The following SLC30A7 variants were observed in gnomAD, a reference collection of about 807,000 sequenced individuals.
The protein encoded by SLC30A7 is solute carrier family 30 member 7.
A neutral mutation model predicts 46.0 loss-of-function variants in SLC30A7; 35 were observed. The ratio of observed to expected loss-of-function variants is 0.76; its 90% CI spans 0.58 to 1.01. The LOEUF (loss-of-function observed/expected upper bound fraction) is 1.01. Ranked by LOEUF, SLC30A7 falls within the 50% of genes least tolerant of loss-of-function variation. The pLI, the probability that SLC30A7 is intolerant of heterozygous loss-of-function variation, is 0.00. For missense variants in SLC30A7, 464 were observed against 451.1 expected (o/e 1.03, Z -0.26); for synonymous variants, 147 against 157.8 (o/e 0.93, Z 0.51).
chr1:100,978,211 T>C lies in SLC30A7; in HGVS notation c.*3354T>C, dbSNP rs1266395441. ...GTTCCTTGTGCTGTCATTTCCCTTA[T>C]ATCTGGAATTTGTCAGCATTCCTGA... On this transcript the variant is annotated 3_prime_UTR_variant, in exon 11 of 11. Transcript: ENST00000357650. 1 of 152,216 alleles carries C rather than the reference T, an allele frequency of 6.6e-6. No individual in the cohort carries two copies. Among genetic ancestry groups the C allele is most frequent in the East Asian group, 1.9e-4 (1 of 5,196 alleles). The allele number at this position is 152,216 out of a possible 1,614,324, so 9.4% of individuals were successfully genotyped here.
chr1:100,951,487 G>A (rs1180812350), intron 8 of SLC30A7, among the ~76,000 whole-genome samples: 2 of 152,118 alleles, frequency 1.3e-5, no homozygotes, highest in African/African-American at 2.4e-5. Context: ...TCCAAGTCTC[G>A]TAGTTGAAGA....
At chr1:100,932,142 C>T (rs567418494) in intron 8 of SLC30A7, among the ~76,000 whole-genome samples, 19 of 152,246 alleles carry the variant, frequency 1.2e-4, no homozygotes, top group Middle Eastern at 6.8e-3. Flanking sequence ...TGGCTGGGCA[C>T]GGTTGCTCAT....
rs1557968534 is a variant in SLC30A7, at chr1:100,896,212, C to A, written c.-51C>A. The A allele has an allele frequency of 1.3e-6, 2 of 1,555,010 alleles. No individual in the cohort carries two copies. Among genetic ancestry groups the A allele is most frequent in the South Asian group, 2.2e-5 (2 of 89,692 alleles). Reference sequence around the variant, plus strand: ...CACTACTGTCACTGCCATCACCCCACGGAGCCACTTCTAGAGGGGAGTAGA... The same window carrying A: ...CACTACTGTCACTGCCATCACCCCAAGGAGCCACTTCTAGAGGGGAGTAGA... On this transcript the variant is annotated 5_prime_UTR_variant, in exon 1 of 11. Transcript: ENST00000357650.
chr1:100,986,212 C>T (rs1483240709), downstream of SLC30A7, among the ~76,000 whole-genome samples: 3 of 152,098 alleles, frequency 2.0e-5, no homozygotes, highest in Non-Finnish European at 4.4e-5. Context: ...GAGTTCGGGA[C>T]CAGCCTGACC....
intron 8 of SLC30A7, among the ~76,000 whole-genome samples, chr1:100,934,332 A>G (rs1438018054): frequency 6.6e-6 from 1 of 152,216 alleles, no homozygotes; most frequent in Non-Finnish European, 1.5e-5. Context: ...CTTCAAGGAT[A>G]TAGAGACAGG....
rs548485392 is a variant in SLC30A7 at position 100,906,798 on chromosome 1, A to G, written c.183-54A>G. ...CTGAATCTTAGACTTTCAGAGAAAGATGCCTACTGTTTGGTTTTTATTATA... is the reference window on the plus strand; with the variant it reads ...CTGAATCTTAGACTTTCAGAGAAAGGTGCCTACTGTTTGGTTTTTATTATA... On this transcript the variant is annotated intron_variant, in intron 2 of 10. Coordinates refer to ENST00000357650, the MANE Select transcript of SLC30A7 (RefSeq NM_133496.5). The G allele has an allele frequency of 1.2e-5, 14 of 1,155,126 alleles. No homozygotes were observed. The African/African-American group carries it at 2.1e-4, about 18-fold the overall frequency. 71.6% of individuals were successfully genotyped at this position (1,155,126 alleles called of 1,614,324 possible). A position where few individuals can be genotyped will look rare whatever the true frequency, so the allele number is the denominator to read the frequency against.
chr1:100,906,269 G>A (rs1042893612), intron 2 of SLC30A7, among the ~76,000 whole-genome samples: 1 of 152,092 alleles, frequency 6.6e-6, no homozygotes, highest in Non-Finnish European at 1.5e-5. Context: ...GTAGTTTGCT[G>A]TTCCTTATAC....
rs915661094 is a variant in SLC30A7 at position 100,979,594 on chromosome 1, T to C, written c.*4737T>C. On this transcript the variant is annotated 3_prime_UTR_variant, in exon 11 of 11. Transcript: ENST00000357650. ...GGGAATAACTTTTATTAAGTATTTATGTGCCAGGCGGTTAGTGTGGCCTTC... is the reference window on the plus strand; with the variant it reads ...GGGAATAACTTTTATTAAGTATTTACGTGCCAGGCGGTTAGTGTGGCCTTC... 3 of 152,164 alleles carry C rather than the reference T, an allele frequency of 2.0e-5. No homozygotes were observed. Among genetic ancestry groups the C allele is most frequent in the Non-Finnish European group, 4.4e-5 (3 of 67,988 alleles). 9.4% of individuals were successfully genotyped at this position (152,164 alleles called of 1,614,324 possible). A position where few individuals can be genotyped will look rare whatever the true frequency, so the allele number is the denominator to read the frequency against.
At chr1:100,953,710 C>T (rs1253229949) in intron 8 of SLC30A7, among the ~76,000 whole-genome samples, 1 of 152,114 alleles carries the variant, frequency 6.6e-6, no homozygotes, top group East Asian at 1.9e-4. Context: ...TCTCTCAAAG[C>T]CGTGTATATT....
intron 8 of SLC30A7, among the ~76,000 whole-genome samples, chr1:100,957,729 G>A (rs889094705): frequency 4.6e-5 from 7 of 151,922 alleles, no homozygotes; most frequent in Non-Finnish European, 8.8e-5. Context: ...AGGTAGGTAG[G>A]AAAAAAACCT....
chr1:100,907,461 A>G (rs1475737992), intron 3 of SLC30A7, among the ~76,000 whole-genome samples: 1 of 152,174 alleles, frequency 6.6e-6, no homozygotes, highest in African/African-American at 2.4e-5. Flanking sequence ...ACATTGGATC[A>G]TCTTAGAGGC....
intron 8 of SLC30A7, among the ~76,000 whole-genome samples, chr1:100,958,456 G>C (rs1024324385): frequency 1.3e-5 from 2 of 152,174 alleles, no homozygotes; most frequent in Non-Finnish European, 2.9e-5. Context: ...GATTACAGGC[G>C]TGAGCCACCG....
intron 9 of SLC30A7, among the ~76,000 whole-genome samples, chr1:100,965,208 T>G (rs867666852): frequency 2.6e-5 from 4 of 152,232 alleles, no homozygotes; most frequent in African/African-American, 9.6e-5. Flanking sequence ...AGAAGCTCCC[T>G]CTTTCTTTGT....
At chr1:100,945,796 T>G (rs1654600557) in intron 8 of SLC30A7, among the ~76,000 whole-genome samples, 1 of 152,228 alleles carries the variant, frequency 6.6e-6, no homozygotes, top group African/African-American at 2.4e-5. Flanking sequence ...ATATGGACTT[T>G]CAAGTAGTTT....
intron 8 of SLC30A7, 83 bp downstream of exon 8, chr1:100,921,924 T>A: frequency 2.8e-6 from 3 of 1,086,408 alleles, no homozygotes; most frequent in Non-Finnish European, 3.9e-6. Flanking sequence ...AAAATACAAA[T>A]AATTATGTTG....
chr1:100,910,356 A>G (rs1431731763), intron 3 of SLC30A7, among the ~76,000 whole-genome samples: 1 of 152,156 alleles, frequency 6.6e-6, no homozygotes, highest in Non-Finnish European at 1.5e-5. Context: ...ATCTTTCCCC[A>G]ATGCTTCACA....
chr1:100,993,728 C>T, the SLC30A7 span, among the ~76,000 whole-genome samples: 1 of 150,302 alleles, frequency 6.7e-6, no homozygotes, highest in African/African-American at 2.5e-5. Flanking sequence ...GCCATATTAA[C>T]AAAAAAGTTT....
At chr1:100,994,417 G>A in the SLC30A7 span, among the ~76,000 whole-genome samples, 1 of 152,052 alleles carries the variant, frequency 6.6e-6, no homozygotes, top group African/African-American at 2.4e-5. Context: ...ATTAGACACT[G>A]CCTCTCTAAG....
At chr1:100,949,562 C>T (rs889638537) in intron 8 of SLC30A7, among the ~76,000 whole-genome samples, 19 of 152,190 alleles carry the variant, frequency 1.2e-4, no homozygotes, top group Middle Eastern at 3.2e-3. Flanking sequence ...CAGACAGGGA[C>T]GTTTAAGTCT....
Sources: gnomAD v4.1 joint callset for allele counts (sites outside exome capture counted in the v4.1 genomes callset) on GRCh38, gnomAD v4.1.1 for gene constraint, MANE v1.5 for transcripts, NCBI Gene and HGNC (gene_info 2026-07-23, HGNC 2026-07-21) for gene names.